Variants in CELF2 observed in about 807,000 individuals in gnomAD.
CELF2 encodes CUG triplet repeat RNA-binding protein 2.
In CELF2, 8 loss-of-function variants were observed where a neutral mutation model predicts 62.6. That is an observed-to-expected ratio of 0.13 (90% confidence interval 0.07 to 0.23). CELF2 has a LOEUF of 0.23. Among genes scored for constraint, CELF2 ranks in the 10% least tolerant of loss-of-function variants. CELF2 has a pLI of 1.00. For missense variants in CELF2, 333 were observed against 671.0 expected, an observed-to-expected ratio of 0.50 and a Z score of 5.56; for synonymous variants, 258 against 250.0, an observed-to-expected ratio of 1.03 and a Z score of -0.30.
At chr10:11,030,329 A>G (rs1055805485) in intron 1 of CELF2, 2 of 152,240 alleles carry the variant, frequency 1.3e-5, no homozygotes, top group Admixed American at 6.5e-5. Context: ...AAATGAGGAT[A>G]TTGAGGTTCT....
intron 2 of CELF2, among the ~76,000 whole-genome samples, chr10:11,202,010 G>C (rs374590629): frequency 1.3e-5 from 2 of 151,972 alleles, no homozygotes; most frequent in Non-Finnish European, 2.9e-5. Context: ...TTAAAATTTG[G>C]CCTCACTGCA....
intron 3 of CELF2, among the ~76,000 whole-genome samples, chr10:11,226,006 G>A (rs570722797): frequency 6.6e-6 from 1 of 152,280 alleles, no homozygotes; most frequent in South Asian, 2.1e-4. Flanking sequence ...GTCATTTCTA[G>A]GACTGCCCAG....
intron 1 of CELF2, among the ~76,000 whole-genome samples, chr10:11,049,004 A>G (rs1486034697): frequency 6.6e-6 from 1 of 152,284 alleles, no homozygotes; most frequent in South Asian, 2.1e-4. Context: ...GAGGAGCTTC[A>G]AAATATGTAC....
intron 1 of CELF2, among the ~76,000 whole-genome samples, chr10:11,120,403 C>T (rs746642965): frequency 1.3e-5 from 2 of 152,124 alleles, no homozygotes; most frequent in Non-Finnish European, 2.9e-5. Context: ...AATGTTCTAA[C>T]AGGTTTGCAT....
the CELF2 span, among the ~76,000 whole-genome samples, chr10:10,622,917 T>C: frequency 6.6e-6 from 1 of 150,642 alleles, no homozygotes; most frequent in African/African-American, 2.4e-5. Context: ...CCATCTCTAC[T>C]AAAAATACAA....
chr10:11,164,709 T>G (rs986308301), intron 1 of CELF2, among the ~76,000 whole-genome samples: 8 of 151,258 alleles, frequency 5.3e-5, no homozygotes, highest in Admixed American at 1.3e-4. Flanking sequence ...AATTCTGAGA[T>G]CTCCTTTGCC....
At chr10:11,164,011 G>A (rs1466513424) in intron 1 of CELF2, among the ~76,000 whole-genome samples, 1 of 152,236 alleles carries the variant, frequency 6.6e-6, no homozygotes, top group Non-Finnish European at 1.5e-5. Context: ...AAGCTACAGG[G>A]AGATCACATC....
At chr10:10,634,880 C>A in the CELF2 span, among the ~76,000 whole-genome samples, 1 of 152,044 alleles carries the variant, frequency 6.6e-6, no homozygotes, top group African/African-American at 2.4e-5. Flanking sequence ...CCAGGATGGC[C>A]AGAAGTTCAT....
rs1194958135 is a variant in CELF2 at position 10,972,308 on chromosome 10, T to C, written c.89+52309T>C. Among the ~76,000 whole-genome samples, 1 of 152,202 alleles carries C rather than the reference T, an allele frequency of 6.6e-6. No homozygotes were observed. Among genetic ancestry groups the C allele is most frequent in the Non-Finnish European group, 1.5e-5 (1 of 68,038 alleles). On this transcript the variant is annotated intron_variant, in intron 2 of 13. Coordinates refer to the CELF2 transcript ENST00000636488. The surrounding 1 kb of genome is among the most constrained non-coding windows in gnomAD (Gnocchi z 4.4). ...AAATGATTTTAGGAAGCTCTACATA[T>C]CATCATCCCCTGTAAAAATTCACAA...
intron 3 of CELF2, among the ~76,000 whole-genome samples, chr10:11,239,103 A>T (rs530080854): frequency 1.3e-5 from 2 of 152,324 alleles, no homozygotes; most frequent in South Asian, 4.1e-4. Flanking sequence ...GTCAGAAATG[A>T]TGACTTAATC....
chr10:10,647,451 G>A, the CELF2 span, among the ~76,000 whole-genome samples: 1 of 152,150 alleles, frequency 6.6e-6, no homozygotes, highest in East Asian at 1.9e-4. Context: ...ACATCAATGC[G>A]GATAACATAT....
the CELF2 span, among the ~76,000 whole-genome samples, chr10:10,471,122 C>T: frequency 1.3e-5 from 2 of 151,236 alleles, no homozygotes; most frequent in African/African-American, 4.9e-5. Context: ...AGAGAATATG[C>T]CCAATAATCA....
At chr10:10,794,638 A>G (rs997277167), upstream of CELF2, 3 of 152,116 alleles carry the variant, frequency 2.0e-5, no homozygotes, top group Non-Finnish European at 4.4e-5. Flanking sequence ...TGGGGCAGCA[A>G]CTTACTAAGA....
chr10:10,857,649 GTATATATATATATATATATATATA>G (rs779543257), intron 1 of CELF2, among the ~76,000 whole-genome samples: 1 of 94,258 alleles, frequency 1.1e-5, no homozygotes, highest in Non-Finnish European at 1.9e-5. Flanking sequence ...CATATATATA[GTATATATATATATATATATATATA>G]TATATATATT....
Position 11,165,697 on chromosome 10 carries a change from G to A in CELF2, c.271+15G>A. The A allele has an allele frequency of 6.2e-7, 1 of 1,601,684 alleles. No homozygotes were observed. The highest frequency in any genetic ancestry group is 8.5e-7 in the Non-Finnish European group (1 of 1,174,102). ...GCAGAGTAAAGGTACAGAGCGCGGGGCGGGGGTCGCCAGGCGTCCAGGTGG... is the reference window on the plus strand; with the variant it reads ...GCAGAGTAAAGGTACAGAGCGCGGGACGGGGGTCGCCAGGCGTCCAGGTGG... On this transcript the variant is annotated intron_variant, in intron 2 of 12. Coordinates refer to ENST00000633077, the MANE Select transcript of CELF2 (RefSeq NM_001326342.2). This position sits in a 1 kb window ranked among gnomAD's most constrained non-coding sequence, Gnocchi z 7.4.
chr10:10,646,486 A>G, the CELF2 span, among the ~76,000 whole-genome samples: 1 of 152,124 alleles, frequency 6.6e-6, no homozygotes, highest in Admixed American at 6.6e-5. Context: ...TTGCCCCCTC[A>G]CTGCTTAACC....
intron 2 of CELF2, among the ~76,000 whole-genome samples, chr10:11,166,874 G>C (rs1196460879): frequency 6.6e-6 from 1 of 152,206 alleles, no homozygotes; most frequent in African/African-American, 2.4e-5. Context: ...TGTTCCTCTT[G>C]TTCCCTGTTG....
chr10:11,249,766 A>G (rs1480122656), intron 4 of CELF2, among the ~76,000 whole-genome samples: 1 of 152,222 alleles, frequency 6.6e-6, no homozygotes, highest in Admixed American at 6.5e-5. Context: ...TCTGCATTTG[A>G]TGAGGTCCAT....
At chr10:11,271,623 C>T (rs2083812530) in intron 7 of CELF2, among the ~76,000 whole-genome samples, 2 of 152,196 alleles carry the variant, frequency 1.3e-5, no homozygotes, top group South Asian at 2.1e-4. Flanking sequence ...CCCTATTTTT[C>T]CACTTTGGAA....
Sources: allele counts gnomAD v4.1 joint callset (sites outside exome capture counted in the v4.1 genomes callset), GRCh38; gene constraint gnomAD v4.1.1; non-coding constraint Gnocchi (gnomAD v3.1); transcripts MANE v1.5; gene names NCBI Gene and HGNC (gene_info 2026-07-23, HGNC 2026-07-21).